The following NDRG2 variants were observed in gnomAD, a reference collection of about 807,000 sequenced individuals.
NDRG2 encodes the protein NDRG family member 2.
Under a neutral mutation model 58.2 loss-of-function variants are expected in NDRG2, and 34 were observed. The observed-to-expected ratio is 0.58, with a 90% CI of 0.44 to 0.78. The LOEUF (loss-of-function observed/expected upper bound fraction) is 0.78. NDRG2 is among the 30% of genes least tolerant of loss of function. NDRG2 has a pLI of 0.00. For synonymous variants in NDRG2, 187 were observed against 175.9 expected (o/e 1.06, Z -0.50); for missense variants, 434 against 471.2 (o/e 0.92, Z 0.73).
chr14:21,054,529 A>G (rs1272715954), intron 1 of NDRG2, among the ~76,000 whole-genome samples: 1 of 152,218 alleles, frequency 6.6e-6, no homozygotes, highest in Non-Finnish European at 1.5e-5. Context: ...GGAAATGTTT[A>G]GGCCAGCCCT....
chr14:21,020,372 T>C lies in NDRG2; in HGVS notation c.555+124A>G, dbSNP rs1594392722. ...CTCAGGCAAAGTGACAGCTTCACTT[T>C]CCTGCCCCTTTACTCCCTCCTTGAA... On this transcript the variant is annotated intron_variant, in intron 8 of 15. Transcript: ENST00000556147. 4 of 713,710 alleles carry C rather than the reference T, an allele frequency of 5.6e-6. No homozygotes were observed. In the East Asian group the frequency reaches 1.1e-4, roughly 19 times the overall value. 44.2% of individuals were successfully genotyped at this position (713,710 alleles called of 1,614,324 possible).
chr14:21,060,444 G>C (rs1348547566), intron 1 of NDRG2, among the ~76,000 whole-genome samples: 1 of 152,148 alleles, frequency 6.6e-6, no homozygotes, highest in Non-Finnish European at 1.5e-5. Flanking sequence ...CCAGTGTTGC[G>C]GGCAGGCTCC....
chr14:21,059,495 T>G (rs1312848619), intron 1 of NDRG2, among the ~76,000 whole-genome samples: 1 of 147,404 alleles, frequency 6.8e-6, no homozygotes. Flanking sequence ...GTTTTTTTTT[T>G]CTTTTGCTTT....
rs755345738 is a variant in NDRG2 at position 21,045,358 on chromosome 14, C to T, written c.25-22037G>A. On this transcript the variant is annotated intron_variant, in intron 1 of 14. Transcript: ENST00000403829. ...GGATGAGTTGGTCACAACAGCCAAA[C>T]GACTGAGTGTAAAAACAAATGTTAC... Among the ~76,000 whole-genome samples, 10 of 152,294 alleles carry T rather than the reference C, an allele frequency of 6.6e-5. No homozygotes were observed. The East Asian group carries it at 7.7e-4, about 12-fold the overall frequency.
intron 1 of NDRG2, among the ~76,000 whole-genome samples, chr14:21,067,923 C>CTGATTCTCTA (rs767538744): frequency 2.0e-5 from 3 of 151,700 alleles, no homozygotes; most frequent in Non-Finnish European, 2.9e-5. Flanking sequence ...AACTGCATCC[C>CTGATTCTCTA]TGATTCTCTA....
At chr14:21,032,034 G>C (rs1472743463) in intron 1 of NDRG2, 1 of 1,614,162 alleles carries the variant, frequency 6.2e-7, no homozygotes, top group East Asian at 2.2e-5. Context: ...GGCTATGTGA[G>C]TGGTTACAAG....
rs1359934364 is a variant in NDRG2 at position 21,024,241 on chromosome 14, A to G, written c.-218T>C. The stretch of plus-strand genomic sequence containing the variant: ...CCTCCCCAGTGTCTGTCTACCCCTA[A>G]GTCCAGAGAACACGTCCTCTCTAGG... On this transcript the variant is annotated 5_prime_UTR_variant, in exon 1 of 16. Transcript: ENST00000556147. The G allele has an allele frequency of 1.0e-6, 1 of 985,348 alleles. No homozygotes were observed. The highest frequency in any genetic ancestry group is 1.7e-5 in the African/African-American group (1 of 57,214). The allele number at this position is 985,348 out of a possible 1,614,324, so 61.0% of individuals were successfully genotyped here. A position where few individuals can be genotyped will look rare whatever the true frequency, so the allele number is the denominator to read the frequency against.
At chr14:21,055,598 G>A (rs145990575) in intron 1 of NDRG2, among the ~76,000 whole-genome samples, 4 of 152,252 alleles carry the variant, frequency 2.6e-5, no homozygotes, top group Non-Finnish European at 5.9e-5. Flanking sequence ...CAGCTGCATG[G>A]GCCAGTACCT....
chr14:21,033,585 G>A, intron 1 of NDRG2: 2 of 575,386 alleles, frequency 3.5e-6, no homozygotes, highest in Non-Finnish European at 6.2e-6. Flanking sequence ...GGGAGAGGAA[G>A]GATGATGAGG....
intron 1 of NDRG2, chr14:21,031,755 C>T (rs1884182500): frequency 2.1e-6 from 2 of 950,664 alleles, no homozygotes; most frequent in African/African-American, 1.7e-5. Context: ...TATCTGGGCC[C>T]TAAGAAAGCA....
chr14:21,030,121 T>G (rs1883958839), upstream of NDRG2: 1 of 154,482 alleles, frequency 6.5e-6, no homozygotes, highest in Non-Finnish European at 1.4e-5. Flanking sequence ...AAAAGCCCCC[T>G]CCTTTGAAGG....
upstream of NDRG2, chr14:21,029,298 T>A (rs1010094514): frequency 6.6e-6 from 1 of 152,224 alleles, no homozygotes; most frequent in Non-Finnish European, 1.5e-5. Context: ...CACAGATTCA[T>A]ATATTAAAAT....
At chr14:21,048,391 T>C (rs1481582005) in intron 1 of NDRG2, 1 of 152,162 alleles carries the variant, frequency 6.6e-6, no homozygotes, top group Non-Finnish European at 1.5e-5. Flanking sequence ...AATAAAAATG[T>C]GTGCTCGTGA....
chr14:21,036,644 C>T (rs1305586938), intron 1 of NDRG2, among the ~76,000 whole-genome samples: 1 of 152,158 alleles, frequency 6.6e-6, no homozygotes. Flanking sequence ...GCATCCCTGC[C>T]TGCTTCCCAC....
chr14:21,023,086 G>A (rs997409974), intron 2 of NDRG2, 155 bp downstream of exon 2: 6 of 906,886 alleles, frequency 6.6e-6, no homozygotes, highest in Non-Finnish European at 1.1e-5. Flanking sequence ...ACAAGGGCCT[G>A]ACTCCCAATT....
intron 1 of NDRG2, among the ~76,000 whole-genome samples, chr14:21,061,395 A>C (rs778240880): frequency 6.6e-6 from 1 of 152,168 alleles, no homozygotes; most frequent in African/African-American, 2.4e-5. Context: ...GGAGTTTCTG[A>C]CTTCCTTGTG....
chr14:21,019,487 G>C, intron 10 of NDRG2, 152 bp downstream of exon 10: 1 of 629,684 alleles, frequency 1.6e-6, no homozygotes. Flanking sequence ...CACTGACTCT[G>C]TCCTGAAGCT....
At chr14:21,064,545 G>A (rs1566511482) in intron 1 of NDRG2, among the ~76,000 whole-genome samples, 2 of 152,160 alleles carry the variant, frequency 1.3e-5, no homozygotes, top group African/African-American at 2.4e-5. Flanking sequence ...CAGGTGACCC[G>A]CCCACCTCGG....
Position 21,024,843 on chromosome 14 carries a change from G to T in NDRG2, c.-820C>A. 1 of 985,746 alleles carries T rather than the reference G, an allele frequency of 1.0e-6. No homozygotes were observed. The highest frequency in any genetic ancestry group is 1.2e-6 in the Non-Finnish European group (1 of 830,198). 61.1% of individuals were successfully genotyped at this position (985,746 alleles called of 1,614,324 possible). A position where few individuals can be genotyped will look rare whatever the true frequency, so the allele number is the denominator to read the frequency against. ...CCCCGGACCTTGCACACAACCTCGC[G>T]CGCACCCCAAACACGCCCTGCAGCT... On this transcript the variant is annotated 5_prime_UTR_variant, in exon 1 of 16. Transcript: ENST00000556147.
Sources: gnomAD v4.1 joint callset for allele counts (sites outside exome capture counted in the v4.1 genomes callset) on GRCh38, gnomAD v4.1.1 for gene constraint, MANE v1.5 for transcripts, NCBI Gene and HGNC (gene_info 2026-07-23, HGNC 2026-07-21) for gene names.